SORCS2: variants seen among roughly 807,000 people sequenced by gnomAD.
The protein encoded by SORCS2 is sortilin related VPS10 domain containing receptor 2, also known as VPS10 domain-containing receptor SorCS2.
Under a neutral mutation model 141.6 loss-of-function variants are expected in SORCS2, and 100 were observed. The observed-to-expected ratio is 0.71, with a 90% CI of 0.60 to 0.83. The LOEUF is 0.83. Among genes scored for constraint, SORCS2 ranks in the 40% least tolerant of loss-of-function variants. The pLI is 0.00. For missense variants in SORCS2, 1,646 were observed against 1,560.2 expected, an observed-to-expected ratio of 1.05 and a Z score of -0.93; for synonymous variants, 789 against 676.9, an observed-to-expected ratio of 1.17 and a Z score of -2.57.
intron 2 of SORCS2, among the ~76,000 whole-genome samples, chr4:7,403,998 T>TATATATGTA (rs59841056): frequency 8.0e-5 from 1 of 12,430 alleles, no homozygotes; most frequent in East Asian, 2.5e-3. Flanking sequence ...TATATATATA[T>TATATATGTA]TTTTTTTTTT....
chr4:7,267,196 A>C (rs1457453405), intron 1 of SORCS2, among the ~76,000 whole-genome samples: 1 of 152,224 alleles, frequency 6.6e-6, no homozygotes, highest in Non-Finnish European at 1.5e-5. Flanking sequence ...AGAGATGAGT[A>C]GGCATCTTCC....
At chr4:7,581,117 T>A (rs1180272864) in intron 3 of SORCS2, among the ~76,000 whole-genome samples, 2 of 149,810 alleles carry the variant, frequency 1.3e-5, no homozygotes, top group African/African-American at 2.5e-5. Context: ...AAAAGTGATA[T>A]GTCTAATTCA....
chr4:7,227,404 TCTC>T (rs1729053703), intron 1 of SORCS2, among the ~76,000 whole-genome samples: 1 of 152,126 alleles, frequency 6.6e-6, no homozygotes, highest in Non-Finnish European at 1.5e-5. Context: ...CTTCTCGACT[TCTC>T]CAGAAAACTG....
At chr4:7,210,998 T>G (rs1403675843) in intron 1 of SORCS2, among the ~76,000 whole-genome samples, 1 of 152,190 alleles carries the variant, frequency 6.6e-6, no homozygotes, top group Non-Finnish European at 1.5e-5. Flanking sequence ...GGGCCCAGGC[T>G]CCACTGCTCC....
intron 1 of SORCS2, among the ~76,000 whole-genome samples, chr4:7,390,974 G>C (rs2109099017): frequency 6.6e-6 from 1 of 152,298 alleles, no homozygotes. Flanking sequence ...CACTCAGGGA[G>C]GAGGGGCTGA....
chr4:7,466,910 C>A (rs1455907136), intron 2 of SORCS2, among the ~76,000 whole-genome samples: 2 of 152,150 alleles, frequency 1.3e-5, no homozygotes, highest in African/African-American at 4.8e-5. Context: ...GGAAATGGAC[C>A]TAAATGCCAG....
intron 2 of SORCS2, among the ~76,000 whole-genome samples, chr4:7,397,040 C>T (rs1199512447): frequency 6.6e-6 from 1 of 152,226 alleles, no homozygotes; most frequent in Non-Finnish European, 1.5e-5. Context: ...TCTCTTTCTT[C>T]CATGTACCGA....
intron 1 of SORCS2, among the ~76,000 whole-genome samples, chr4:7,365,678 A>C (rs1329739964): frequency 2.0e-5 from 3 of 152,168 alleles, no homozygotes; most frequent in African/African-American, 7.2e-5. Context: ...TGGTGCAGAC[A>C]ATGGGCACCC....
At position 7,737,103 on chromosome 4, in the gene SORCS2, C is replaced by T. The variant is rs754929040; in HGVS notation, c.3346C>T (p.His1116Tyr). 6.4e-7 allele frequency: 1 copy of T among 1,551,446 alleles called. No homozygotes were observed. The highest frequency in any genetic ancestry group is 8.7e-7 in the Non-Finnish European group (1 of 1,146,956). Residue 1116 changes from histidine to tyrosine, a missense_variant, in exon 26 of 27, where the codon CAC becomes TAC. His to Tyr is a moderately conservative substitution (Grantham distance 83). Transcript: ENST00000507866. ...AGGCAGGACCGTGTACGCCCAAATG[C>T]ACAACGAGAAGGAGCAGGAGATGAC... is the stretch of plus-strand genomic sequence containing the variant. ...RPGRTVYAQM[H>Y]NEKEQEMTSP...
At chr4:7,303,541 A>G (rs144805169) in intron 1 of SORCS2, among the ~76,000 whole-genome samples, 3 of 152,270 alleles carry the variant, frequency 2.0e-5, no homozygotes, top group Admixed American at 1.3e-4. Context: ...CAGTGTTTTT[A>G]TCTACGCTTG....
chr4:7,725,281 C>T lies in SORCS2; in HGVS notation c.2739C>T (p.Ser913=). 6.2e-7 allele frequency: 1 copy of T among 1,612,720 alleles called. No individual in the cohort carries two copies. The highest frequency in any genetic ancestry group is 8.5e-7 in the Non-Finnish European group (1 of 1,179,330). ...LTVFYWWIGH[S]LQPLLSLDNS... ...TCTTCTACTGGTGGATCGGCCACAG[C>T]CTGCAGGTGCGCTGGCTTTGCCCCA... The change falls in exon 20 of 27, where the codon AGC becomes AGT. Residue 913 remains serine (S), a synonymous_variant. Transcript: ENST00000507866.
chr4:7,439,543 TGG>T (rs1727522969), intron 2 of SORCS2, among the ~76,000 whole-genome samples: 1 of 152,236 alleles, frequency 6.6e-6, no homozygotes, highest in Admixed American at 6.5e-5. Context: ...AGGGGCAGAA[TGG>T]TCCTGAGTGC....
At chr4:7,281,844 G>T (rs1246931447) in intron 1 of SORCS2, among the ~76,000 whole-genome samples, 2 of 152,188 alleles carry the variant, frequency 1.3e-5, no homozygotes, top group African/African-American at 4.8e-5. Flanking sequence ...TGGGGGCTGG[G>T]TTCCTTCTTA....
At chr4:7,726,175 C>T (rs1323724446) in intron 20 of SORCS2, among the ~76,000 whole-genome samples, 1 of 152,210 alleles carries the variant, frequency 6.6e-6, no homozygotes, top group African/African-American at 2.4e-5. Context: ...ATGGCTCATC[C>T]ACAGCTGCGG....
intron 3 of SORCS2, among the ~76,000 whole-genome samples, chr4:7,539,023 G>A (rs1712354216): frequency 6.6e-6 from 1 of 152,192 alleles, no homozygotes; most frequent in Non-Finnish European, 1.5e-5. Flanking sequence ...ATGGGCCATT[G>A]CACAGGTGAA....
At chr4:7,417,246 G>A (rs755339925) in intron 2 of SORCS2, among the ~76,000 whole-genome samples, 2 of 152,170 alleles carry the variant, frequency 1.3e-5, no homozygotes, top group Non-Finnish European at 2.9e-5. Context: ...GTCCAGGGAT[G>A]ATGCTCTTTT....
rs193301539 is a variant in SORCS2, at chr4:7,237,430, T to C, written c.480+44304T>C. 6.0e-3 allele frequency among the ~76,000 whole-genome samples: 913 copies of C among 152,266 alleles called. 7 individuals carry two copies. Among genetic ancestry groups the C allele is most frequent in the African/African-American group, 0.02 (851 of 41,552 alleles). On this transcript the variant is annotated intron_variant, in intron 1 of 26. Transcript: ENST00000507866. ...GGCCACAGTGACCCACAGTGGCTCC[T>C]CCCAAGGGGACCCTGTTCACATCCT...
intron 2 of SORCS2, among the ~76,000 whole-genome samples, chr4:7,528,057 C>A (rs1733809999): frequency 6.6e-6 from 1 of 151,110 alleles, no homozygotes; most frequent in South Asian, 2.1e-4. Context: ...CTCTCTGTCT[C>A]TCTCTCCCCC....
At chr4:7,215,433 C>T (rs1728281650) in intron 1 of SORCS2, among the ~76,000 whole-genome samples, 1 of 152,228 alleles carries the variant, frequency 6.6e-6, no homozygotes, top group Non-Finnish European at 1.5e-5. Context: ...GGTTCCTGTG[C>T]TGCCCGAGCC....
Sources: gnomAD v4.1 joint callset for allele counts (sites outside exome capture counted in the v4.1 genomes callset) on GRCh38, gnomAD v4.1.1 for gene constraint, MANE v1.5 for transcripts, NCBI Gene and HGNC (gene_info 2026-07-23, HGNC 2026-07-21) for gene names.